Variants in PRKN observed in about 807,000 individuals in gnomAD.
PRKN encodes parkin RBR E3 ubiquitin protein ligase, also known as E3 ubiquitin-protein ligase parkin.
Under a neutral mutation model 59.5 loss-of-function variants are expected in PRKN, and 56 were observed. The ratio of observed to expected loss-of-function variants is 0.94; its 90% CI spans 0.76 to 1.18. The LOEUF (loss-of-function observed/expected upper bound fraction) is 1.18, where lower values mean the gene tolerates loss of function less well. PRKN is among the 50% of genes most tolerant of loss of function. The pLI is 0.00. For synonymous variants in PRKN, 250 were observed against 222.1 expected (o/e 1.13, Z -1.12); for missense variants, 657 against 596.4 (o/e 1.10, Z -1.06).
chr6:161,571,107 T>A (rs544665572), intron 7 of PRKN, among the ~76,000 whole-genome samples: 321 of 152,202 alleles, frequency 2.1e-3, no homozygotes, highest in African/African-American at 7.3e-3. Flanking sequence ...CTAAGTTTTT[T>A]ATTTTTTCCT....
At chr6:161,555,501 GGTGTTTTAGGCA>G (rs1470563782) in intron 8 of PRKN, among the ~76,000 whole-genome samples, 2 of 152,110 alleles carry the variant, frequency 1.3e-5, no homozygotes, top group Non-Finnish European at 2.9e-5. Context: ...TTTCTGTTCT[GGTGTTTTAGGCA>G]GTGTTCAAAA....
At chr6:162,078,001 TA>T (rs59795906) in intron 4 of PRKN, among the ~76,000 whole-genome samples, 37 of 123,540 alleles carry the variant, frequency 3.0e-4, no homozygotes, top group African/African-American at 5.5e-4. Context: ...ACTCTCTCTC[TA>T]AAAAAAAAAA....
intron 7 of PRKN, among the ~76,000 whole-genome samples, chr6:161,652,590 T>C (rs1192987544): frequency 2.0e-5 from 3 of 152,252 alleles, no homozygotes; most frequent in African/African-American, 7.2e-5. Context: ...CTGACATTTA[T>C]AGTAAGTTAT....
chr6:162,436,012 C>T (rs1789750601), intron 2 of PRKN, among the ~76,000 whole-genome samples: 1 of 151,498 alleles, frequency 6.6e-6, no homozygotes, highest in Non-Finnish European at 1.5e-5. Context: ...GCAATCTCTA[C>T]TAAAAATACA....
chr6:162,152,776 T>C (rs1468696893), intron 4 of PRKN, among the ~76,000 whole-genome samples: 2 of 152,170 alleles, frequency 1.3e-5, no homozygotes, highest in Non-Finnish European at 2.9e-5. Context: ...CTAGGAAATA[T>C]CAGATTGTAT....
chr6:162,439,630 G>T (rs946283951), intron 2 of PRKN, among the ~76,000 whole-genome samples: 1 of 151,908 alleles, frequency 6.6e-6, no homozygotes, highest in Non-Finnish European at 1.5e-5. Context: ...CCATTTATAT[G>T]CAGATTTTCT....
chr6:161,506,039 G>T (rs1440237122), intron 9 of PRKN, among the ~76,000 whole-genome samples: 6 of 151,610 alleles, frequency 4.0e-5, no homozygotes, highest in Admixed American at 1.3e-4. Context: ...GAACTTTAAA[G>T]TAGTTTTTTC....
intron 2 of PRKN, among the ~76,000 whole-genome samples, chr6:162,293,219 T>C (rs987275465): frequency 1.3e-5 from 2 of 152,166 alleles, no homozygotes; most frequent in African/African-American, 2.4e-5. Flanking sequence ...ACTTCCCTTC[T>C]TCAGGCAGAA....
chr6:161,820,920 C>T lies in PRKN; in HGVS notation c.735-35012G>A, dbSNP rs372289659. Among the ~76,000 whole-genome samples the T allele has an allele frequency of 7.6e-4, 116 of 151,802 alleles. 4 individuals carry two copies. In the South Asian group the frequency reaches 0.023, roughly 30 times the overall value. ...CCTTTGGAAAATACCCCCAATATGA[C>T]ACTATGTAATAAAATCAATACAAAA... On this transcript the variant is annotated intron_variant, in intron 6 of 11. Coordinates refer to ENST00000366898, the MANE Select transcript of PRKN (RefSeq NM_004562.3).
intron 3 of PRKN, among the ~76,000 whole-genome samples, chr6:162,236,301 G>A (rs1778707573): frequency 6.6e-6 from 1 of 152,166 alleles, no homozygotes; most frequent in Admixed American, 6.5e-5. Flanking sequence ...AATCAGAAAT[G>A]CTTATTGGTT....
intron 9 of PRKN, among the ~76,000 whole-genome samples, chr6:161,477,373 C>T (rs1791144628): frequency 3.9e-5 from 6 of 151,990 alleles, no homozygotes. Context: ...CAAAATTATC[C>T]AGGCGTGGTG....
intron 4 of PRKN, among the ~76,000 whole-genome samples, chr6:162,080,146 G>A (rs1317280262): frequency 2.0e-5 from 3 of 152,042 alleles, no homozygotes; most frequent in African/African-American, 4.8e-5. Flanking sequence ...CCGGTGAATC[G>A]AGATGATTTC....
At chr6:162,699,009 C>T (rs992797847) in intron 1 of PRKN, among the ~76,000 whole-genome samples, 2 of 152,042 alleles carry the variant, frequency 1.3e-5, no homozygotes, top group Middle Eastern at 3.4e-3. Context: ...TTTTGTTAAT[C>T]ATTTAAAAAA....
At chr6:162,575,603 G>C (rs1249110926) in intron 1 of PRKN, among the ~76,000 whole-genome samples, 1 of 152,056 alleles carries the variant, frequency 6.6e-6, no homozygotes, top group Non-Finnish European at 1.5e-5. Context: ...CTCCATGCTT[G>C]CCTCTCTAGC....
intron 7 of PRKN, among the ~76,000 whole-genome samples, chr6:161,580,713 C>T (rs1341473130): frequency 6.6e-6 from 1 of 151,834 alleles, no homozygotes. Context: ...TTCTTGATCT[C>T]ATGATCCACC....
chr6:162,397,247 A>G (rs1787520531), intron 2 of PRKN, among the ~76,000 whole-genome samples: 1 of 152,142 alleles, frequency 6.6e-6, no homozygotes, highest in South Asian at 2.1e-4. Flanking sequence ...TCATTTAGCA[A>G]CTGTTCAGGA....
intron 10 of PRKN, among the ~76,000 whole-genome samples, chr6:161,375,822 C>T (rs986218910): frequency 7.2e-5 from 11 of 152,212 alleles, no homozygotes; most frequent in Non-Finnish European, 7.3e-5. Context: ...CGAGCCCGAA[C>T]GACGCGCTGG....
chr6:162,115,082 C>A (rs1211012334), intron 4 of PRKN, among the ~76,000 whole-genome samples: 6 of 152,030 alleles, frequency 3.9e-5, no homozygotes, highest in Non-Finnish European at 5.9e-5. Context: ...ATAGCAAAAA[C>A]TTGGAACCAA....
At chr6:161,597,448 C>T (rs1025624204) in intron 7 of PRKN, among the ~76,000 whole-genome samples, 3 of 152,280 alleles carry the variant, frequency 2.0e-5, no homozygotes, top group South Asian at 2.1e-4. Context: ...CCTTGGAATT[C>T]GAGATAGTGA....
Sources: gnomAD v4.1 joint callset for allele counts (sites outside exome capture counted in the v4.1 genomes callset) on GRCh38, gnomAD v4.1.1 for gene constraint, MANE v1.5 for transcripts, NCBI Gene and HGNC (gene_info 2026-07-23, HGNC 2026-07-21) for gene names.